Variants in TSNARE1 observed in about 807,000 individuals in gnomAD.
TSNARE1 encodes t-SNARE domain-containing protein 1.
Under a neutral mutation model 62.0 loss-of-function variants are expected in TSNARE1, and 49 were observed. The ratio of observed to expected loss-of-function variants is 0.79; its 90% confidence interval spans 0.63 to 1.00. The LOEUF (loss-of-function observed/expected upper bound fraction) is 1.00. Ranked by LOEUF, TSNARE1 falls within the 50% of genes least tolerant of loss-of-function variation. TSNARE1 has a pLI of 0.00. For missense variants in TSNARE1, 755 were observed against 700.1 expected (o/e 1.08, Z -0.88); for synonymous variants, 328 against 294.4 (o/e 1.11, Z -1.17).
rs901676461 is a variant in TSNARE1, at chr8:142,229,523, A to G, written c.1503T>C (p.Leu501=). Residue 501 remains leucine, a synonymous_variant, in exon 13 of 14, where the codon CTT becomes CTC. Coordinates refer to ENST00000524325, the MANE Select transcript of TSNARE1 (RefSeq NM_145003.5). ...AGGTGGCGATGATGATGATGATGAC[A>G]AGCAGGGCAGTGACTCCAGCTGATA... ...CFLSAGVTAL[L]VIIIIIATSV... is the part of the protein sequence containing the mutation. The G allele has an allele frequency of 1.2e-6, 2 of 1,613,982 alleles. No individual in the cohort carries two copies. Among genetic ancestry groups the G allele is most frequent in the African/African-American group, 2.7e-5 (2 of 74,900 alleles).
intron 13 of TSNARE1, among the ~76,000 whole-genome samples, chr8:142,225,875 G>A (rs1225759151): frequency 1.3e-5 from 2 of 152,216 alleles, no homozygotes; most frequent in African/African-American, 4.8e-5. Flanking sequence ...TGGGATGGAG[G>A]AGTTGGCAGG....
At chr8:142,395,647 G>A (rs558964523) in intron 1 of TSNARE1, among the ~76,000 whole-genome samples, 84 of 152,326 alleles carry the variant, frequency 5.5e-4, no homozygotes, top group African/African-American at 1.9e-3. Flanking sequence ...TGTGACCGGC[G>A]AAAACGCCCA....
chr8:142,332,465 T>C (rs1044460970), intron 4 of TSNARE1, among the ~76,000 whole-genome samples: 5 of 143,458 alleles, frequency 3.5e-5, no homozygotes, highest in Non-Finnish European at 7.9e-5. Flanking sequence ...ATGGAAACAT[T>C]TTAGAATTAG....
intron 6 of TSNARE1, among the ~76,000 whole-genome samples, chr8:142,325,089 CAGA>C (rs1830008313): frequency 6.6e-6 from 1 of 152,266 alleles, no homozygotes; most frequent in Non-Finnish European, 1.5e-5. Flanking sequence ...TGTTGGTGCA[CAGA>C]CCCAGGGACC....
chr8:142,300,910 G>A (rs1480370886), intron 9 of TSNARE1, among the ~76,000 whole-genome samples: 1 of 152,176 alleles, frequency 6.6e-6, no homozygotes, highest in Admixed American at 6.5e-5. Context: ...GGTCCCAAGT[G>A]GGGGTGTAGG....
intron 12 of TSNARE1, among the ~76,000 whole-genome samples, chr8:142,248,028 C>T (rs1241234503): frequency 1.3e-5 from 2 of 152,194 alleles, no homozygotes; most frequent in Non-Finnish European, 2.9e-5. Context: ...CCCTCCAAAA[C>T]CCAGGTGTTA....
intron 11 of TSNARE1, chr8:142,278,545 C>T (rs1028630043): frequency 1.9e-5 from 19 of 985,284 alleles, no homozygotes; most frequent in African/African-American, 1.7e-4. Context: ...GCTCCTGGCA[C>T]GGTGTCTTGA....
chr8:142,295,005 C>T (rs1288534276), intron 10 of TSNARE1, among the ~76,000 whole-genome samples: 3 of 152,196 alleles, frequency 2.0e-5, no homozygotes, highest in Non-Finnish European at 4.4e-5. Context: ...CTCGGGGCTC[C>T]AGCCCGGACC....
At chr8:142,252,609 A>G (rs1037465694) in intron 12 of TSNARE1, among the ~76,000 whole-genome samples, 5 of 152,224 alleles carry the variant, frequency 3.3e-5, no homozygotes, top group African/African-American at 9.6e-5. Flanking sequence ...CGATTTGTCA[A>G]AAGTCACACA....
intron 11 of TSNARE1, among the ~76,000 whole-genome samples, chr8:142,281,039 G>A (rs1477843835): frequency 2.6e-5 from 4 of 152,176 alleles, no homozygotes; most frequent in Admixed American, 1.3e-4. Flanking sequence ...CCGGGAAGAG[G>A]ACGCCAGCTG....
chr8:142,250,498 C>G (rs375982330), intron 12 of TSNARE1, among the ~76,000 whole-genome samples: 1 of 152,152 alleles, frequency 6.6e-6, no homozygotes, highest in East Asian at 1.9e-4. Flanking sequence ...CTTGGTGAGG[C>G]GGACACTCAC....
At chr8:142,260,246 T>A (rs907378131) in intron 12 of TSNARE1, among the ~76,000 whole-genome samples, 1 of 152,060 alleles carries the variant, frequency 6.6e-6, no homozygotes, top group African/African-American at 2.4e-5. Context: ...GTAGAAAAAG[T>A]CAAATCATGA....
intron 7 of TSNARE1, among the ~76,000 whole-genome samples, chr8:142,317,152 G>C: frequency 6.6e-6 from 1 of 151,446 alleles, no homozygotes; most frequent in African/African-American, 2.4e-5. Context: ...GCATGAAGCG[G>C]GTATGGCCAG....
chr8:142,275,759 G>A (rs1820371114), intron 11 of TSNARE1: 1 of 985,434 alleles, frequency 1.0e-6, no homozygotes, highest in East Asian at 1.1e-4. Context: ...GTGCCTACCA[G>A]GGCACAGACC....
At chr8:142,251,604 G>A (rs923532156) in intron 12 of TSNARE1, among the ~76,000 whole-genome samples, 4 of 152,168 alleles carry the variant, frequency 2.6e-5, no homozygotes, top group Non-Finnish European at 4.4e-5. Context: ...TTCCTGCCTG[G>A]AGACAGGGCC....
intron 11 of TSNARE1, among the ~76,000 whole-genome samples, chr8:142,281,345 G>A (rs986125568): frequency 3.9e-5 from 6 of 152,210 alleles, no homozygotes; most frequent in South Asian, 2.1e-4. Flanking sequence ...GGTATAGACA[G>A]GGCGGGATGA....
At chr8:142,361,945 G>A (rs1835195619) in intron 1 of TSNARE1, among the ~76,000 whole-genome samples, 1 of 152,208 alleles carries the variant, frequency 6.6e-6, no homozygotes, top group Non-Finnish European at 1.5e-5. Context: ...CCTACCCTTT[G>A]GGGGAAACCA....
intron 12 of TSNARE1, among the ~76,000 whole-genome samples, chr8:142,256,807 G>C (rs920943943): frequency 1.3e-5 from 2 of 152,182 alleles, no homozygotes; most frequent in African/African-American, 4.8e-5. Context: ...TGACTCTGGG[G>C]ACAATCCTCA....
intron 1 of TSNARE1, among the ~76,000 whole-genome samples, chr8:142,365,602 G>GCACACACACACACACACA (rs1554674591): frequency 6.9e-6 from 1 of 144,404 alleles, no homozygotes; most frequent in Admixed American, 6.9e-5. Context: ...ACATGCACAC[G>GCACACACACACACACACA]CACACACACA....
Sources: allele counts gnomAD v4.1 joint callset (sites outside exome capture counted in the v4.1 genomes callset), GRCh38; gene constraint gnomAD v4.1.1; transcripts MANE v1.5; gene names NCBI Gene and HGNC (gene_info 2026-07-23, HGNC 2026-07-21).